XKR4: variants seen among roughly 807,000 people sequenced by gnomAD.
XKR4 encodes XK-related protein 4.
In XKR4, 12 loss-of-function variants were observed where a neutral mutation model predicts 53.9. The ratio of observed to expected loss-of-function variants is 0.22; its 90% CI spans 0.14 to 0.36. XKR4 has a LOEUF of 0.36. XKR4 is among the 10% of genes least tolerant of loss of function. The pLI is 1.00. For synonymous variants in XKR4, 354 were observed against 362.4 expected (o/e 0.98, Z 0.26); for missense variants, 799 against 859.5 (o/e 0.93, Z 0.88).
chr8:55,460,937 G>T (rs1805646900), intron 2 of XKR4, among the ~76,000 whole-genome samples: 1 of 152,258 alleles, frequency 6.6e-6, no homozygotes, highest in Non-Finnish European at 1.5e-5. Context: ...TGGGGGAGGG[G>T]CACCCGCCAT....
At chr8:55,382,020 C>T (rs1804242659) in intron 2 of XKR4, among the ~76,000 whole-genome samples, 1 of 152,198 alleles carries the variant, frequency 6.6e-6, no homozygotes, top group South Asian at 2.1e-4. Flanking sequence ...TATTCTAAAG[C>T]TTCTCCCAAA....
chr8:55,316,616 A>T (rs1185526442), intron 1 of XKR4, among the ~76,000 whole-genome samples: 1 of 152,140 alleles, frequency 6.6e-6, no homozygotes, highest in Non-Finnish European at 1.5e-5. Context: ...GAGCTAACCC[A>T]TCCAAATGTC....
intron 1 of XKR4, among the ~76,000 whole-genome samples, chr8:55,155,415 T>C (rs923770804): frequency 1.5e-4 from 23 of 151,890 alleles, no homozygotes; most frequent in Admixed American, 1.5e-3. Flanking sequence ...AATAACATAA[T>C]ATGGGAGTAG....
intron 2 of XKR4, among the ~76,000 whole-genome samples, chr8:55,365,962 C>G (rs1013027458): frequency 2.5e-4 from 38 of 151,932 alleles, no homozygotes; most frequent in Admixed American, 3.3e-4. Flanking sequence ...AGCCAGGCAG[C>G]GAGGGAGTGG....
chr8:55,453,698 C>T (rs746717846), intron 2 of XKR4: 12 of 397,248 alleles, frequency 3.0e-5, no homozygotes, highest in Non-Finnish European at 5.3e-5. Context: ...CAGGTGGCTG[C>T]TGTCACCCGG....
intron 2 of XKR4, among the ~76,000 whole-genome samples, chr8:55,500,066 G>C (rs184557492): frequency 1.8e-3 from 269 of 151,846 alleles, no homozygotes; most frequent in African/African-American, 6.2e-3. Context: ...AGAGGAAATG[G>C]TTTTACTGCC....
At chr8:55,466,367 C>T (rs1805768426) in intron 2 of XKR4, among the ~76,000 whole-genome samples, 1 of 152,012 alleles carries the variant, frequency 6.6e-6, no homozygotes. Context: ...CCATCATTCT[C>T]AGCAAACTAT....
At chr8:55,393,583 A>G (rs1471688646) in intron 2 of XKR4, among the ~76,000 whole-genome samples, 1 of 152,284 alleles carries the variant, frequency 6.6e-6, no homozygotes, top group East Asian at 1.9e-4. Flanking sequence ...ATCTTAGTAA[A>G]AAGTTAAGAA....
chr8:55,221,717 G>T (rs560440716), intron 1 of XKR4, among the ~76,000 whole-genome samples: 1 of 152,212 alleles, frequency 6.6e-6, no homozygotes, highest in Non-Finnish European at 1.5e-5. Flanking sequence ...AGCTCTTCCA[G>T]GGTGCTCTAG....
chr8:55,454,638 C>T, intron 2 of XKR4: 1 of 1,095,328 alleles, frequency 9.1e-7, no homozygotes, highest in Non-Finnish European at 1.4e-6. Flanking sequence ...CAGCCAGGGG[C>T]ACGGTGCACG....
At chr8:55,148,557 G>A (rs779227841) in intron 1 of XKR4, among the ~76,000 whole-genome samples, 5 of 152,006 alleles carry the variant, frequency 3.3e-5, no homozygotes, top group Admixed American at 6.6e-5. Flanking sequence ...TTAAGTTATC[G>A]GGTCAAATAA....
chr8:55,492,782 A>G (rs1806290007), intron 2 of XKR4, among the ~76,000 whole-genome samples: 1 of 152,102 alleles, frequency 6.6e-6, no homozygotes, highest in Non-Finnish European at 1.5e-5. Flanking sequence ...ATTCCATGGA[A>G]TCCTGCATTT....
chr8:55,408,986 G>A (rs576646141), intron 2 of XKR4, among the ~76,000 whole-genome samples: 78 of 140,762 alleles, frequency 5.5e-4, no homozygotes, highest in Admixed American at 5.4e-3. Context: ...CAGCCTGGAC[G>A]ACAGAGCAAG....
chr8:55,233,737 C>T (rs532688272), intron 1 of XKR4, among the ~76,000 whole-genome samples: 101 of 152,358 alleles, frequency 6.6e-4, no homozygotes, highest in Middle Eastern at 3.4e-3. Context: ...GGGAACTTTT[C>T]CCACATTTGC....
intron 1 of XKR4, among the ~76,000 whole-genome samples, chr8:55,321,987 CG>C (rs1563323934): frequency 8.5e-5 from 5 of 59,162 alleles, no homozygotes; most frequent in Admixed American, 2.3e-4. Context: ...GACTCCATCT[CG>C]AAAAACAAAC....
chr8:55,262,195 A>T (rs181904332), intron 1 of XKR4, among the ~76,000 whole-genome samples: 2 of 152,370 alleles, frequency 1.3e-5, no homozygotes. Flanking sequence ...CATGTTAAGT[A>T]TAATGGCTCT....
intron 2 of XKR4, among the ~76,000 whole-genome samples, chr8:55,496,395 T>A (rs1003552773): frequency 6.6e-6 from 1 of 151,046 alleles, no homozygotes; most frequent in African/African-American, 2.5e-5. Flanking sequence ...AAAAAAAAAA[T>A]TACCATTTGA....
At chr8:55,172,314 T>C (rs977414267) in intron 1 of XKR4, among the ~76,000 whole-genome samples, 6 of 152,124 alleles carry the variant, frequency 3.9e-5, no homozygotes, top group African/African-American at 1.4e-4. Context: ...GAAATGGAGA[T>C]CATCATGCTT....
At chr8:55,283,158 T>A (rs73682945) in intron 1 of XKR4, among the ~76,000 whole-genome samples, 5 of 152,232 alleles carry the variant, frequency 3.3e-5, no homozygotes, top group South Asian at 2.1e-4. Context: ...CACATAATGA[T>A]GAAATTGCCT....
Sources: gnomAD v4.1 joint callset for allele counts (sites outside exome capture counted in the v4.1 genomes callset) on GRCh38, gnomAD v4.1.1 for gene constraint, MANE v1.5 for transcripts, NCBI Gene and HGNC (gene_info 2026-07-23, HGNC 2026-07-21) for gene names.